Variants in CD163 observed in about 807,000 individuals in gnomAD.
CD163 encodes the protein scavenger receptor cysteine-rich type 1 protein M130.
A neutral mutation model predicts 129.2 loss-of-function variants in CD163; 64 were observed. The ratio of observed to expected loss-of-function variants is 0.50; its 90% CI spans 0.41 to 0.61. CD163 has a LOEUF of 0.61. Among genes scored for constraint, CD163 ranks in the 20% least tolerant of loss-of-function variants. The pLI is 0.00. For synonymous variants in CD163, 446 were observed against 478.5 expected, an observed-to-expected ratio of 0.93 and a Z score of 0.89; for missense variants, 1,061 against 1,377.9, an observed-to-expected ratio of 0.77 and a Z score of 3.64.
intron 6 of CD163, among the ~76,000 whole-genome samples, chr12:7,489,424 T>A (rs1949298751): frequency 6.6e-6 from 1 of 152,174 alleles, no homozygotes. Context: ...TTTAGATGAC[T>A]TAACGTTTCC....
At chr12:7,483,841 A>ATTTTTTTTTT (rs200359960) in intron 11 of CD163, 166 bp from the exon 12 acceptor site, 1 of 110,030 alleles carries the variant, frequency 9.1e-6, no homozygotes, top group African/African-American at 3.8e-5. Flanking sequence ...ATATATATAT[A>ATTTTTTTTTT]TTTTTTTTTT....
intron 6 of CD163, among the ~76,000 whole-genome samples, chr12:7,491,970 C>A (rs776799511): frequency 6.6e-6 from 1 of 152,144 alleles, no homozygotes; most frequent in East Asian, 1.9e-4. Flanking sequence ...AGCTGTATAG[C>A]CCTGTACTAT....
chr12:7,487,095 AGGTG>A lies in CD163; in HGVS notation c.2051-113_2051-110del. The A allele has an allele frequency of 1.1e-6, 1 of 899,480 alleles. No homozygotes were observed. The highest frequency in any genetic ancestry group is 1.7e-6 in the Non-Finnish European group (1 of 580,220). 55.7% of individuals were successfully genotyped at this position (899,480 alleles called of 1,614,324 possible). A position where few individuals can be genotyped will look rare whatever the true frequency, so the allele number is the denominator to read the frequency against. ...AAACATAGCTTAGAGAGAGAGGGGA[AGGTG>A]GATGGTCAACAAGTTTGAAATAAAT... On this transcript the variant is annotated intron_variant, in intron 8 of 16. Coordinates refer to ENST00000432237, the MANE Select transcript of CD163 (RefSeq NM_203416.4). This position sits in a 1 kb window ranked among gnomAD's most constrained non-coding sequence, Gnocchi z 5.1.
rs1949232716 is a variant in CD163, at chr12:7,485,311, A to G, written c.2564T>C (p.Met855Thr). ...CACCACACCCACAGTGGTTTCAGAC[A>G]TGCTACTCTTGCCAACAGTGCCCCA... is the stretch of plus-strand genomic sequence containing the variant. Reference protein sequence around the residue: ...GAWGTVGKSSMSETTVGVVCR... With the variant: ...GAWGTVGKSSTSETTVGVVCR... Residue 855 changes from methionine to threonine, a missense_variant, in exon 11 of 17, where the codon ATG becomes ACG. Transcript: ENST00000432237. This position sits in a 1 kb window ranked among gnomAD's most constrained non-coding sequence, Gnocchi z 4.5. 1.2e-6 allele frequency: 2 copies of G among 1,614,224 alleles called. No homozygotes were observed. The highest frequency in any genetic ancestry group is 2.7e-5 in the African/African-American group (2 of 75,052).
chr12:7,502,502 C>A lies in CD163; in HGVS notation c.109G>T (p.Ala37Ser), dbSNP rs760054628. The change falls in exon 2 of 17, where the codon GCC becomes TCC. Residue 37 changes from alanine to serine, a missense_variant. Physicochemically the swap from Ala to Ser is moderately conservative, Grantham distance 99 (BLOSUM62 1). Coordinates refer to ENST00000432237, the MANE Select transcript of CD163 (RefSeq NM_203416.4). Reference protein sequence around the residue: ...FTITVVLLLSACFVTSSLGGT... With the variant: ...FTITVVLLLSSCFVTSSLGGT... ...CCAAGAGAACTGGTGACAAAACAGG[C>A]ACTGAGAAGTAAGACCACAGTAATG... The A allele has an allele frequency of 3.1e-6, 5 of 1,602,324 alleles. No individual in the cohort carries two copies. In the South Asian group the frequency reaches 5.5e-5, roughly 18 times the overall value.
At chr12:7,475,097 CAAAAA>C (rs58901449) in intron 16 of CD163, among the ~76,000 whole-genome samples, 3 of 94,018 alleles carry the variant, frequency 3.2e-5, no homozygotes, top group African/African-American at 4.5e-5. Flanking sequence ...GCCTACCAAC[CAAAAA>C]AAAAAAAAAA....
intron 2 of CD163, among the ~76,000 whole-genome samples, chr12:7,501,667 A>T (rs1230661326): frequency 6.6e-6 from 1 of 152,242 alleles, no homozygotes; most frequent in Non-Finnish European, 1.5e-5. Context: ...GTGCTATATG[A>T]CCAGTAAAGG....
rs190320984 is a variant in CD163 at position 7,494,261 on chromosome 12, A to T, written c.1420+820T>A. ...TATTGCCTGGTCCAGAATATTTTTT[A>T]AAAAGTAATATAGAAATTCAAATTT... is the stretch of plus-strand genomic sequence containing the variant. On this transcript the variant is annotated intron_variant, in intron 6 of 16. Transcript: ENST00000432237. Among the ~76,000 whole-genome samples, 677 of 152,318 alleles carry T rather than the reference A, an allele frequency of 4.4e-3. 9 individuals are homozygous for T. Among genetic ancestry groups the T allele is most frequent in the African/African-American group, 0.015 (606 of 41,576 alleles).
Position 7,485,254 on chromosome 12 carries a change from T to C in CD163, c.2621A>G (p.Lys874Arg). Residue 874 changes from lysine (K) to arginine (R), a missense_variant, in exon 11 of 17, where the codon AAA becomes AGA. Lys to Arg is a conservative substitution (Grantham distance 26, BLOSUM62 2). Transcript: ENST00000432237. This position sits in a 1 kb window ranked among gnomAD's most constrained non-coding sequence, Gnocchi z 4.5. ...CTTGTCTAAAGATGCAGGGTTGATT[T>C]TCCCTTTGTCTGCACAGCCCAGCTG... ...CRQLGCADKG[K>R]INPASLDKAM... is the part of the protein sequence containing the mutation. 1.2e-6 allele frequency: 2 copies of C among 1,614,198 alleles called. No individual in the cohort carries two copies. Among genetic ancestry groups the C allele is most frequent in the Non-Finnish European group, 1.7e-6 (2 of 1,180,030 alleles).
chr12:7,481,240 C>T lies in CD163; in HGVS notation c.3264G>A (p.Glu1088=). 1 of 1,613,616 alleles carries T rather than the reference C, an allele frequency of 6.2e-7. No individual in the cohort carries two copies. The highest frequency in any genetic ancestry group is 1.7e-5 in the Admixed American group (1 of 60,006). Residue 1088 remains glutamate (E), a synonymous_variant, in exon 15 of 17, where the codon GAG becomes GAA. Coordinates refer to ENST00000432237, the MANE Select transcript of CD163 (RefSeq NM_203416.4). ...GGTATTGAATTTGGTGGACTAAGTTCTCTCCTCTTGAGGAAACTGAAAACA... is the reference window on the plus strand; with the variant it reads ...GGTATTGAATTTGGTGGACTAAGTTTTCTCCTCTTGAGGAAACTGAAAACA... The part of the protein sequence containing the change: ...RQRLAVSSRG[E]NLVHQIQYRE...
At position 7,488,094 on chromosome 12, in the gene CD163, A is replaced by AATAAAT; in HGVS notation, c.1421-13_1421-8dup. On this transcript the variant is annotated splice_polypyrimidine_tract_variant and splice_region_variant and intron_variant, in intron 6 of 16. Transcript: ENST00000432237. ...AGTCTGGGTTCCCTGTGGGCTGAAA[A>AATAAAT]ATAAATATTATTTCAGTGAGAGGTA... The AATAAAT allele has an allele frequency of 6.3e-7, 1 of 1,594,036 alleles. No homozygotes were observed. The highest frequency in any genetic ancestry group is 8.5e-7 in the Non-Finnish European group (1 of 1,170,556).
rs368174312 is a variant in CD163, at chr12:7,486,879, G to T, written c.2143+15C>A. ...TTGTTATTAATATTTTCATAGATTT[G>T]TCACAGAGTCTTACCTATGCAGGCC... On this transcript the variant is annotated intron_variant, in intron 9 of 16. Coordinates refer to ENST00000432237, the MANE Select transcript of CD163 (RefSeq NM_203416.4). The T allele has an allele frequency of 2.5e-6, 4 of 1,609,572 alleles. No individual in the cohort carries two copies. The highest frequency in any genetic ancestry group is 3.4e-6 in the Non-Finnish European group (4 of 1,177,254).
At position 7,503,747 on chromosome 12, in the gene CD163, T is replaced by C; in HGVS notation, c.-57A>G. The C allele has an allele frequency of 9.1e-7, 1 of 1,101,408 alleles. No individual in the cohort carries two copies. The highest frequency in any genetic ancestry group is 1.3e-6 in the Non-Finnish European group (1 of 746,510). 68.2% of individuals were successfully genotyped at this position (1,101,408 alleles called of 1,614,324 possible). On this transcript the variant is annotated 5_prime_UTR_variant, in exon 1 of 17. Coordinates refer to ENST00000432237, the MANE Select transcript of CD163 (RefSeq NM_203416.4). ...ATCTTCTTGTATTATTCCCTAGAAA[T>C]GTTCTTCTAAAGAAAACAACTAAGA... is the stretch of plus-strand genomic sequence containing the variant.
At chr12:7,478,301 C>G (rs1478381123) in intron 16 of CD163, among the ~76,000 whole-genome samples, 2 of 152,100 alleles carry the variant, frequency 1.3e-5, no homozygotes, top group African/African-American at 4.8e-5. Flanking sequence ...GGCTACCTAC[C>G]ATATCTCACA....
rs748075623 is a variant in CD163, at chr12:7,486,887, G to A, written c.2143+7C>T. 6 of 1,612,584 alleles carry A rather than the reference G, an allele frequency of 3.7e-6. No individual in the cohort carries two copies. Among genetic ancestry groups the A allele is most frequent in the Non-Finnish European group, 5.1e-6 (6 of 1,178,996 alleles). On this transcript the variant is annotated splice_region_variant and intron_variant, in intron 9 of 16. Coordinates refer to ENST00000432237, the MANE Select transcript of CD163 (RefSeq NM_203416.4). The stretch of plus-strand genomic sequence containing the variant: ...AATATTTTCATAGATTTGTCACAGA[G>A]TCTTACCTATGCAGGCCACAGCACT...
At position 7,496,904 on chromosome 12, in the gene CD163, C is replaced by T; in HGVS notation, c.1008G>A (p.Gln336=). The T allele has an allele frequency of 6.2e-7, 1 of 1,614,116 alleles. No individual in the cohort carries two copies. The highest frequency in any genetic ancestry group is 8.5e-7 in the Non-Finnish European group (1 of 1,179,986). Residue 336 remains glutamine, a synonymous_variant, in exon 5 of 17, where the codon CAG becomes CAA. Transcript: ENST00000432237. The surrounding 1 kb of genome is among the most constrained non-coding windows in gnomAD (Gnocchi z 4.8). ...GHIWLDSVSC[Q]GHEPAIWQCK... The stretch of plus-strand genomic sequence containing the variant: ...ATTGCCAGATAGCAGGTTCATGTCC[C>T]TGGCAAGAAACGCTGTCAAGCCAGA...
rs1949264207 is a variant in CD163, at chr12:7,487,254, CT to C, written c.2050+104del. Reference sequence around the variant, plus strand: ...TCTGAAGCATGAATTAGTATTCATTCTTCTCATGACCCTTCAAAATGGATCA... The same window carrying C: ...TCTGAAGCATGAATTAGTATTCATTCTCTCATGACCCTTCAAAATGGATCA... On this transcript the variant is annotated intron_variant, in intron 8 of 16. Transcript: ENST00000432237. This position sits in a 1 kb window ranked among gnomAD's most constrained non-coding sequence, Gnocchi z 5.1. 1.6e-6 allele frequency: 2 copies of C among 1,257,738 alleles called. No individual in the cohort carries two copies. Among genetic ancestry groups the C allele is most frequent in the Non-Finnish European group, 2.2e-6 (2 of 925,618 alleles). The allele number at this position is 1,257,738 out of a possible 1,614,324, so 77.9% of individuals were successfully genotyped here. A position where few individuals can be genotyped will look rare whatever the true frequency, so the allele number is the denominator to read the frequency against.
In CD163 at chr12:7,496,561, A is replaced by G. The variant is rs1168204273; in HGVS notation, c.1099+252T>C. On this transcript the variant is annotated intron_variant, in intron 5 of 16. Transcript: ENST00000432237. This position sits in a 1 kb window ranked among gnomAD's most constrained non-coding sequence, Gnocchi z 4.8. The stretch of plus-strand genomic sequence containing the variant: ...TTTTGTCTCTCTGAGCTCCAGGTAG[A>G]TTCTGAGTTTGAAGTGTGCTCCATA... 6.6e-6 allele frequency among the ~76,000 whole-genome samples: 1 copy of G among 152,210 alleles called. No homozygotes were observed. Among genetic ancestry groups the G allele is most frequent in the African/African-American group, 2.4e-5 (1 of 41,444 alleles).
intron 4 of CD163, 125 bp downstream of exon 4, chr12:7,498,743 G>A: frequency 2.1e-6 from 2 of 936,262 alleles, no homozygotes; most frequent in Non-Finnish European, 3.2e-6. Context: ...CCTGAAGTTA[G>A]GTTAAAATGC....
Sources: gnomAD v4.1 joint callset for allele counts (sites outside exome capture counted in the v4.1 genomes callset) on GRCh38, gnomAD v4.1.1 for gene constraint, Gnocchi (gnomAD v3.1) non-coding constraint, MANE v1.5 for transcripts, NCBI Gene and HGNC (gene_info 2026-07-23, HGNC 2026-07-21) for gene names.